THSD7B: variants seen among roughly 807,000 people sequenced by gnomAD.
THSD7B encodes the protein thrombospondin type 1 domain containing 7B.
In THSD7B, 138 loss-of-function variants were observed where a neutral mutation model predicts 213.6. That is an observed-to-expected ratio of 0.65 (90% confidence interval 0.56 to 0.74). THSD7B has a LOEUF of 0.74. Among genes scored for constraint, THSD7B ranks in the 30% least tolerant of loss-of-function variants. THSD7B has a pLI of 0.00. For synonymous variants in THSD7B, 742 were observed against 687.0 expected, an observed-to-expected ratio of 1.08 and a Z score of -1.25; for missense variants, 1,931 against 1,991.5, an observed-to-expected ratio of 0.97 and a Z score of 0.58.
At chr2:136,794,196 T>C (rs776753970) in intron 1 of THSD7B, among the ~76,000 whole-genome samples, 29 of 151,752 alleles carry the variant, frequency 1.9e-4, no homozygotes, top group Admixed American at 3.3e-4. Context: ...TCTGTATATC[T>C]GCTTTCTGTG....
chr2:137,309,447 T>C (rs1020364226), intron 12 of THSD7B, among the ~76,000 whole-genome samples: 4 of 151,534 alleles, frequency 2.6e-5, no homozygotes, highest in Non-Finnish European at 4.4e-5. Context: ...TATGAACTTA[T>C]TTGTTTTTTA....
intron 1 of THSD7B, among the ~76,000 whole-genome samples, chr2:136,795,736 C>T (rs1432954658): frequency 6.6e-6 from 1 of 151,854 alleles, no homozygotes; most frequent in Non-Finnish European, 1.5e-5. Context: ...TCACTCCAAC[C>T]CCTCTCTCTT....
intron 1 of THSD7B, among the ~76,000 whole-genome samples, chr2:136,815,554 A>G (rs1228403386): frequency 6.6e-6 from 1 of 152,208 alleles, no homozygotes; most frequent in Non-Finnish European, 1.5e-5. Flanking sequence ...ATAGGTATTC[A>G]TTTTAACCTA....
chr2:136,851,774 A>G (rs571084059), intron 1 of THSD7B, among the ~76,000 whole-genome samples: 1 of 152,248 alleles, frequency 6.6e-6, no homozygotes, highest in South Asian at 2.1e-4. Flanking sequence ...CTACAGGACA[A>G]AGTAATTCAT....
intron 12 of THSD7B, among the ~76,000 whole-genome samples, chr2:137,298,410 G>A (rs1186818765): frequency 3.9e-5 from 6 of 152,230 alleles, no homozygotes; most frequent in Admixed American, 3.3e-4. Flanking sequence ...GCAGCCTGAC[G>A]ATGCAGTAGA....
In THSD7B at chr2:137,656,730, A is replaced by C. The variant is rs928416068; in HGVS notation, c.4106-66A>C. 11 of 1,497,534 alleles carry C rather than the reference A, an allele frequency of 7.3e-6. No homozygotes were observed. The East Asian group carries it at 2.6e-4, about 35-fold the overall frequency. 92.8% of individuals were successfully genotyped at this position (1,497,534 alleles called of 1,614,324 possible). A position where few individuals can be genotyped will look rare whatever the true frequency, so the allele number is the denominator to read the frequency against. On this transcript the variant is annotated intron_variant, in intron 22 of 27. Coordinates refer to ENST00000409968, the MANE Select transcript of THSD7B (RefSeq NM_001316349.2). Reference sequence around the variant, plus strand: ...GCAAATCTCTGTGTGAGCCCTGCCCATGCAAATGTTGTCCAGTGCCACTTT... The same window carrying C: ...GCAAATCTCTGTGTGAGCCCTGCCCCTGCAAATGTTGTCCAGTGCCACTTT...
At chr2:136,835,308 T>C (rs1396686704) in intron 1 of THSD7B, among the ~76,000 whole-genome samples, 1 of 152,242 alleles carries the variant, frequency 6.6e-6, no homozygotes, top group East Asian at 1.9e-4. Flanking sequence ...TTTGAGCTCT[T>C]TAATTGAGTC....
At chr2:137,330,082 G>C (rs1048948670) in intron 12 of THSD7B, among the ~76,000 whole-genome samples, 3 of 152,200 alleles carry the variant, frequency 2.0e-5, no homozygotes, top group African/African-American at 7.2e-5. Context: ...GTAGTGTTGG[G>C]TATGCAGGTG....
At chr2:136,922,476 T>C (rs1028761719) in intron 2 of THSD7B, among the ~76,000 whole-genome samples, 1 of 152,204 alleles carries the variant, frequency 6.6e-6, no homozygotes, top group African/African-American at 2.4e-5. Flanking sequence ...TAACTAACCA[T>C]GATGTAATTT....
At chr2:137,359,163 C>G (rs1573981637) in intron 12 of THSD7B, among the ~76,000 whole-genome samples, 2 of 152,166 alleles carry the variant, frequency 1.3e-5, no homozygotes, top group South Asian at 4.1e-4. Context: ...TGTGACATAT[C>G]TTCTCCATAG....
Position 137,418,961 on chromosome 2 carries a change from G to A in THSD7B, c.2959+7089G>A, listed in dbSNP as rs545853063. Among the ~76,000 whole-genome samples the A allele has an allele frequency of 2.0e-5, 3 of 151,644 alleles. No homozygotes were observed. In the East Asian group the frequency reaches 5.8e-4, roughly 29 times the overall value. On this transcript the variant is annotated intron_variant, in intron 14 of 27. Transcript: ENST00000409968. ...CTAGCTCTGTCACCCAGGCTGGAGT[G>A]CAGGGGTGCAATCTGGGCTCACTGC...
chr2:137,374,240 C>G (rs950823378), intron 12 of THSD7B, among the ~76,000 whole-genome samples: 3 of 152,128 alleles, frequency 2.0e-5, no homozygotes. Context: ...AAAGCACATC[C>G]TTTCTTTCCA....
intron 3 of THSD7B, among the ~76,000 whole-genome samples, chr2:137,093,436 G>A (rs892458398): frequency 6.6e-6 from 1 of 152,182 alleles, no homozygotes; most frequent in Non-Finnish European, 1.5e-5. Flanking sequence ...CCAATTTAAA[G>A]TTTACAGGAG....
At chr2:137,010,090 G>T (rs1357576725) in intron 2 of THSD7B, among the ~76,000 whole-genome samples, 1 of 152,048 alleles carries the variant, frequency 6.6e-6, no homozygotes, top group African/African-American at 2.4e-5. Flanking sequence ...TTGTAACTAT[G>T]CAGTTCTAGC....
chr2:137,561,419 G>A (rs1681116478), intron 15 of THSD7B, among the ~76,000 whole-genome samples: 1 of 152,108 alleles, frequency 6.6e-6, no homozygotes, highest in African/African-American at 2.4e-5. Context: ...TTAAATTCAT[G>A]CATGAAATAT....
chr2:136,991,254 C>A (rs1430583502), intron 2 of THSD7B, among the ~76,000 whole-genome samples: 2 of 152,102 alleles, frequency 1.3e-5, no homozygotes, highest in Non-Finnish European at 2.9e-5. Flanking sequence ...ACCATTTAGT[C>A]AGAGAGAACG....
chr2:136,938,426 T>G (rs1201328327), intron 2 of THSD7B, among the ~76,000 whole-genome samples: 1 of 152,082 alleles, frequency 6.6e-6, no homozygotes, highest in Non-Finnish European at 1.5e-5. Flanking sequence ...TTTTTTTTTG[T>G]GCTTTGAAAA....
chr2:137,158,665 T>A (rs1679953789), intron 5 of THSD7B, among the ~76,000 whole-genome samples: 1 of 152,178 alleles, frequency 6.6e-6, no homozygotes, highest in African/African-American at 2.4e-5. Flanking sequence ...TTTGTCATGA[T>A]GGTATTTTTT....
At chr2:136,816,804 C>G (rs1368500244) in intron 1 of THSD7B, among the ~76,000 whole-genome samples, 3 of 152,080 alleles carry the variant, frequency 2.0e-5, no homozygotes, top group Non-Finnish European at 4.4e-5. Flanking sequence ...GTTTTATAAT[C>G]TTTTGAATAT....
Sources: gnomAD v4.1 joint callset for allele counts (sites outside exome capture counted in the v4.1 genomes callset) on GRCh38, gnomAD v4.1.1 for gene constraint, MANE v1.5 for transcripts, NCBI Gene and HGNC (gene_info 2026-07-23, HGNC 2026-07-21) for gene names.